The following TMEM132D variants were observed in gnomAD, a reference collection of about 807,000 sequenced individuals.
TMEM132D encodes mature OL transmembrane protein.
A neutral mutation model predicts 62.3 loss-of-function variants in TMEM132D; 21 were observed. That is an observed-to-expected ratio of 0.34 (90% confidence interval 0.24 to 0.49). The LOEUF is 0.49. TMEM132D is among the 20% of genes least tolerant of loss of function. TMEM132D has a pLI of 0.99. For synonymous variants in TMEM132D, 621 were observed against 575.6 expected, an observed-to-expected ratio of 1.08 and a Z score of -1.13; for missense variants, 1,346 against 1,402.8, an observed-to-expected ratio of 0.96 and a Z score of 0.65.
At chr12:129,803,179 C>T (rs1043345922) in intron 1 of TMEM132D, among the ~76,000 whole-genome samples, 3 of 151,614 alleles carry the variant, frequency 2.0e-5, no homozygotes, top group Non-Finnish European at 4.4e-5. Flanking sequence ...CAGCTCTGCA[C>T]CAAGCGGGCC....
chr12:129,567,525 C>G (rs565260727), intron 2 of TMEM132D, among the ~76,000 whole-genome samples: 145 of 152,234 alleles, frequency 9.5e-4, no homozygotes, highest in African/African-American at 3.2e-3. Flanking sequence ...GCTGAATAGT[C>G]TAACTATACT....
intron 1 of TMEM132D, among the ~76,000 whole-genome samples, chr12:129,806,753 C>G (rs997607023): frequency 9.9e-5 from 15 of 151,978 alleles, no homozygotes; most frequent in African/African-American, 3.1e-4. Context: ...AGGCCAGGCA[C>G]GGTGGTTCAG....
chr12:129,703,959 T>A (rs7962650), intron 1 of TMEM132D, among the ~76,000 whole-genome samples: 132,710 of 150,744 alleles, frequency 0.88, 59,876 homozygotes, highest in Non-Finnish European at 0.99. Flanking sequence ...TGCTGAAAAT[T>A]AGGTACAATC....
At chr12:129,589,313 C>A (rs1211019439) in intron 2 of TMEM132D, among the ~76,000 whole-genome samples, 2 of 152,088 alleles carry the variant, frequency 1.3e-5, no homozygotes, top group Non-Finnish European at 2.9e-5. Flanking sequence ...GTAAGACATG[C>A]CTTTCACCTC....
intron 1 of TMEM132D, among the ~76,000 whole-genome samples, chr12:129,831,870 C>CT (rs1872845437): frequency 1.7e-5 from 1 of 60,560 alleles, no homozygotes; most frequent in Non-Finnish European, 5.6e-5. Context: ...TTCTTTCTTT[C>CT]TTTTTCTTTT....
intron 2 of TMEM132D, among the ~76,000 whole-genome samples, chr12:129,633,372 T>C (rs957246016): frequency 2.0e-5 from 3 of 152,174 alleles, no homozygotes; most frequent in Admixed American, 2.0e-4. Context: ...GAGCTTAGTT[T>C]TGTGGGACTC....
chr12:129,447,669 T>C (rs1873141137), intron 3 of TMEM132D, among the ~76,000 whole-genome samples: 2 of 152,212 alleles, frequency 1.3e-5, no homozygotes, highest in Non-Finnish European at 2.9e-5. Context: ...ATGATGTCTG[T>C]GCACTGTACA....
At chr12:129,147,527 C>T (rs1402955621) in intron 5 of TMEM132D, among the ~76,000 whole-genome samples, 2 of 152,078 alleles carry the variant, frequency 1.3e-5, no homozygotes, top group Non-Finnish European at 2.9e-5. Context: ...TCCATTCCTC[C>T]ATCCAGTTTC....
At chr12:129,523,219 C>G (rs959728798) in intron 3 of TMEM132D, among the ~76,000 whole-genome samples, 1 of 152,156 alleles carries the variant, frequency 6.6e-6, no homozygotes, top group Non-Finnish European at 1.5e-5. Context: ...TCATGTGTCA[C>G]TTTAGATATT....
chr12:129,594,761 T>C (rs1457557944), intron 2 of TMEM132D, among the ~76,000 whole-genome samples: 1 of 152,132 alleles, frequency 6.6e-6, no homozygotes. Flanking sequence ...GAGTGTTGCC[T>C]CCCTATCATC....
chr12:129,140,214 C>CCA (rs58179230), intron 5 of TMEM132D, among the ~76,000 whole-genome samples: 14,235 of 148,286 alleles, frequency 0.096, 822 homozygotes, highest in East Asian at 0.3. Flanking sequence ...GGCGCTGTTA[C>CCA]CACACACACA....
At chr12:129,467,098 C>A (rs542343430) in intron 3 of TMEM132D, among the ~76,000 whole-genome samples, 1 of 152,076 alleles carries the variant, frequency 6.6e-6, no homozygotes, top group Non-Finnish European at 1.5e-5. Flanking sequence ...TTAAAATATG[C>A]ATCTGTAATT....
intron 3 of TMEM132D, among the ~76,000 whole-genome samples, chr12:129,368,843 T>C (rs1870508700): frequency 6.6e-6 from 1 of 152,048 alleles, no homozygotes; most frequent in African/African-American, 2.4e-5. Flanking sequence ...AGCAGAAATC[T>C]ACTTCACGTA....
At chr12:129,759,632 T>C (rs776807515) in intron 1 of TMEM132D, among the ~76,000 whole-genome samples, 8 of 152,236 alleles carry the variant, frequency 5.3e-5, no homozygotes, top group Non-Finnish European at 1.2e-4. Flanking sequence ...TATTCCATCA[T>C]TCAATATATT....
At chr12:129,243,412 C>T (rs1420784562) in intron 4 of TMEM132D, among the ~76,000 whole-genome samples, 3 of 152,248 alleles carry the variant, frequency 2.0e-5, no homozygotes, top group Admixed American at 2.0e-4. Flanking sequence ...GCATACTTTG[C>T]ATACATTTGC....
intron 5 of TMEM132D, among the ~76,000 whole-genome samples, chr12:129,086,201 CGTGT>C (rs1218792744): frequency 5.0e-4 from 71 of 141,132 alleles, no homozygotes; most frequent in African/African-American, 1.7e-3. Context: ...CACGCGCGCG[CGTGT>C]GTGTGTGTGT....
intron 3 of TMEM132D, among the ~76,000 whole-genome samples, chr12:129,518,920 G>A (rs1402916270): frequency 6.6e-6 from 1 of 152,164 alleles, no homozygotes; most frequent in African/African-American, 2.4e-5. Context: ...AAATTTTAAT[G>A]AAGGTTGGCA....
At chr12:129,177,282 A>T (rs1877932453) in intron 5 of TMEM132D, among the ~76,000 whole-genome samples, 1 of 152,192 alleles carries the variant, frequency 6.6e-6, no homozygotes, top group Non-Finnish European at 1.5e-5. Flanking sequence ...ACATCCCCCT[A>T]TGGGCTATGT....
chr12:129,886,314 G>A (rs148516825), intron 1 of TMEM132D, among the ~76,000 whole-genome samples: 2,190 of 152,240 alleles, frequency 0.014, 55 homozygotes, highest in African/African-American at 0.051. Context: ...TAGTAAGACC[G>A]GAGATGGAAG....
Sources: allele counts gnomAD v4.1 joint callset (sites outside exome capture counted in the v4.1 genomes callset), GRCh38; gene constraint gnomAD v4.1.1; transcripts MANE v1.5; gene names NCBI Gene and HGNC (gene_info 2026-07-23, HGNC 2026-07-21).